Variants in PTPN14 observed in about 807,000 individuals in gnomAD.
PTPN14 encodes tyrosine-protein phosphatase non-receptor type 14.
A neutral mutation model predicts 126.8 loss-of-function variants in PTPN14; 53 were observed. That is an observed-to-expected ratio of 0.42 (90% CI 0.34 to 0.53). The LOEUF is 0.53. Ranked by LOEUF, PTPN14 falls within the 20% of genes least tolerant of loss-of-function variation. PTPN14 has a pLI of 0.08. For synonymous variants in PTPN14, 630 were observed against 599.3 expected (o/e 1.05, Z -0.75); for missense variants, 1,257 against 1,552.9 (o/e 0.81, Z 3.20).
chr1:214,427,344 G>C (rs1280876692), intron 3 of PTPN14, among the ~76,000 whole-genome samples: 7 of 148,636 alleles, frequency 4.7e-5, no homozygotes, highest in Non-Finnish European at 7.4e-5. Flanking sequence ...ATTTGTTAAT[G>C]TTCATGAAAC....
rs750254183 is a variant in PTPN14 at position 214,384,792 on chromosome 1, C to CAAGA, written c.1067-8_1067-5dup. The CAAGA allele has an allele frequency of 2.1e-5, 33 of 1,604,682 alleles. No individual in the cohort carries two copies. Among genetic ancestry groups the CAAGA allele is most frequent in the Non-Finnish European group, 2.7e-5 (32 of 1,174,664 alleles). On this transcript the variant is annotated splice_polypyrimidine_tract_variant and splice_region_variant and intron_variant, in intron 12 of 18. Transcript: ENST00000366956. This position sits in a 1 kb window ranked among gnomAD's most constrained non-coding sequence, Gnocchi z 5.3. The stretch of plus-strand genomic sequence containing the variant: ...TCATTCCCATGAAAAATGCTGTCTA[C>CAAGA]AAGAAGTCAAACAAAGGCACGTGAA...
At chr1:214,389,195 A>T (rs956501765) in intron 11 of PTPN14, among the ~76,000 whole-genome samples, 3 of 152,258 alleles carry the variant, frequency 2.0e-5, no homozygotes, top group Non-Finnish European at 4.4e-5. Flanking sequence ...AGAAATACAC[A>T]GCAAGGCAAA....
intron 3 of PTPN14, among the ~76,000 whole-genome samples, chr1:214,415,097 G>A (rs1002706817): frequency 3.9e-5 from 6 of 152,164 alleles, no homozygotes; most frequent in African/African-American, 7.2e-5. Flanking sequence ...AACAGTGTGC[G>A]TTCCTGAATG....
At chr1:214,439,281 G>T (rs946801623) in intron 3 of PTPN14, among the ~76,000 whole-genome samples, 1 of 152,086 alleles carries the variant, frequency 6.6e-6, no homozygotes, top group Non-Finnish European at 1.5e-5. Context: ...TTATTTCAAG[G>T]ATCCAAATTA....
At chr1:214,428,840 C>T (rs1659735468) in intron 3 of PTPN14, among the ~76,000 whole-genome samples, 1 of 152,188 alleles carries the variant, frequency 6.6e-6, no homozygotes, top group Non-Finnish European at 1.5e-5. Context: ...AAAACATCAT[C>T]ATTTTTTGTA....
intron 3 of PTPN14, among the ~76,000 whole-genome samples, chr1:214,431,203 T>C (rs555452327): frequency 4.6e-5 from 7 of 152,230 alleles, no homozygotes; most frequent in Non-Finnish European, 8.8e-5. Flanking sequence ...TCTGGATGTC[T>C]GTCTTTATCT....
At chr1:214,528,390 CCATT>C (rs1179057114) in intron 1 of PTPN14, 1 of 152,000 alleles carries the variant, frequency 6.6e-6, no homozygotes, top group Non-Finnish European at 1.5e-5. Context: ...AGCTATACAT[CCATT>C]AACATTCTAA....
At chr1:214,530,914 T>C (rs1397532682) in intron 1 of PTPN14, 2 of 152,208 alleles carry the variant, frequency 1.3e-5, no homozygotes, top group African/African-American at 2.4e-5. Flanking sequence ...TTAACTTCTA[T>C]ATTAATATAA....
At chr1:214,495,957 A>T (rs1654481586) in intron 1 of PTPN14, among the ~76,000 whole-genome samples, 1 of 152,072 alleles carries the variant, frequency 6.6e-6, no homozygotes, top group African/African-American at 2.4e-5. Flanking sequence ...GGCCTCCCAA[A>T]GTGCTGGGAT....
chr1:214,538,740 G>GTT (rs1655768623), intron 1 of PTPN14, among the ~76,000 whole-genome samples: 1 of 152,130 alleles, frequency 6.6e-6, no homozygotes, highest in East Asian at 1.9e-4. Context: ...TTCTAACTAA[G>GTT]TAAGTGGGGG....
intron 1 of PTPN14, among the ~76,000 whole-genome samples, chr1:214,513,180 G>T (rs985562779): frequency 2.6e-5 from 4 of 152,186 alleles, no homozygotes; most frequent in Admixed American, 1.3e-4. Context: ...GAAGCAGTAG[G>T]AAAGTTGGAA....
chr1:214,420,977 T>C (rs1659530562), intron 3 of PTPN14, among the ~76,000 whole-genome samples: 1 of 152,256 alleles, frequency 6.6e-6, no homozygotes. Context: ...AAATCTCCAA[T>C]GACTTGGGAA....
At chr1:214,380,986 G>A (rs974261139) in intron 13 of PTPN14, among the ~76,000 whole-genome samples, 3 of 152,018 alleles carry the variant, frequency 2.0e-5, no homozygotes, top group African/African-American at 4.8e-5. Flanking sequence ...AAAATCAACA[G>A]GGAAAATGAA....
At chr1:214,522,155 G>A (rs1371861513) in intron 1 of PTPN14, among the ~76,000 whole-genome samples, 1 of 151,954 alleles carries the variant, frequency 6.6e-6, no homozygotes. Flanking sequence ...GGCTGATCTT[G>A]AACTCCTGGC....
At chr1:214,422,848 C>T (rs1045200082) in intron 3 of PTPN14, among the ~76,000 whole-genome samples, 3 of 152,188 alleles carry the variant, frequency 2.0e-5, no homozygotes, top group African/African-American at 7.2e-5. Context: ...AGGTAAGCAA[C>T]TGCTAAAAGA....
Position 214,384,709 on chromosome 1 carries a change from A to G in PTPN14, c.1146T>C (p.Thr382=). The change falls in exon 13 of 19, where the codon ACT becomes ACC. Residue 382 remains threonine, a synonymous_variant. Transcript: ENST00000366956. The surrounding 1 kb of genome is among the most constrained non-coding windows in gnomAD (Gnocchi z 5.3). ...CGCTACACACGCTGCCATTGGTGAC[A>G]GTGCCATTTAAATAATTTAAGTCCA... ...NSLDLNYLNG[T]VTNGSVCSVH... is the part of the protein sequence containing the mutation. 1.2e-6 allele frequency: 2 copies of G among 1,614,140 alleles called. No homozygotes were observed. Among genetic ancestry groups the G allele is most frequent in the Non-Finnish European group, 1.7e-6 (2 of 1,180,028 alleles).
At chr1:214,450,708 T>C (rs2102633129) in intron 3 of PTPN14, among the ~76,000 whole-genome samples, 1 of 152,316 alleles carries the variant, frequency 6.6e-6, no homozygotes, top group East Asian at 1.9e-4. Flanking sequence ...ATGTGATTCC[T>C]TTTCCTACCA....
At chr1:214,408,684 G>A (rs79783759) in intron 5 of PTPN14, among the ~76,000 whole-genome samples, 2,605 of 152,266 alleles carry the variant, frequency 0.017, 82 homozygotes, top group African/African-American at 0.059. Flanking sequence ...CTACACATAC[G>A]AAAACTGATT....
chr1:214,442,380 T>C lies in PTPN14; in HGVS notation c.344+9425A>G, dbSNP rs139261647. On this transcript the variant is annotated intron_variant, in intron 3 of 18. Transcript: ENST00000366956. ...TTTGGTACATTATAGATTTTGAATT[T>C]TTGAATTAGGGATGCTCAACCTATT... 1.4e-3 allele frequency among the ~76,000 whole-genome samples: 212 copies of C among 152,356 alleles called. 1 individual carries two copies. Among genetic ancestry groups the C allele is most frequent in the African/African-American group, 5.0e-3 (209 of 41,582 alleles).
Sources: gnomAD v4.1 joint callset for allele counts (sites outside exome capture counted in the v4.1 genomes callset) on GRCh38, gnomAD v4.1.1 for gene constraint, Gnocchi (gnomAD v3.1) non-coding constraint, MANE v1.5 for transcripts, NCBI Gene and HGNC (gene_info 2026-07-23, HGNC 2026-07-21) for gene names.